TBC1D22A: variants seen among roughly 807,000 people sequenced by gnomAD.
TBC1D22A encodes the protein putative GTPase activator.
A neutral mutation model predicts 60.2 loss-of-function variants in TBC1D22A; 38 were observed. That is an observed-to-expected ratio of 0.63 (90% CI 0.49 to 0.83). TBC1D22A has a LOEUF of 0.83. TBC1D22A is among the 40% of genes least tolerant of loss of function. The probability of loss-of-function intolerance (pLI) is 0.00; values close to 1 mark genes in which losing one functional copy is unlikely to be tolerated. For synonymous variants in TBC1D22A, 302 were observed against 281.7 expected (o/e 1.07, Z -0.72); for missense variants, 628 against 701.0 (o/e 0.90, Z 1.18).
At chr22:46,892,026 T>C (rs980687284) in intron 6 of TBC1D22A, among the ~76,000 whole-genome samples, 1 of 152,248 alleles carries the variant, frequency 6.6e-6, no homozygotes, top group African/African-American at 2.4e-5. Context: ...TAAAATTGAT[T>C]TATGATTCAC....
At chr22:47,008,201 A>G (rs2061648481) in intron 10 of TBC1D22A, among the ~76,000 whole-genome samples, 1 of 152,252 alleles carries the variant, frequency 6.6e-6, no homozygotes, top group Non-Finnish European at 1.5e-5. Flanking sequence ...ATGCTGGTTC[A>G]TGATAGATGG....
chr22:47,051,430 C>T (rs961032030), intron 11 of TBC1D22A, among the ~76,000 whole-genome samples: 4 of 152,200 alleles, frequency 2.6e-5, no homozygotes, highest in African/African-American at 4.8e-5. Context: ...TCCGGAATTA[C>T]GGTCCTCAGC....
chr22:46,912,318 A>G, intron 8 of TBC1D22A, 130 bp downstream of exon 8: 1 of 619,020 alleles, frequency 1.6e-6, no homozygotes, highest in Non-Finnish European at 2.7e-6. Context: ...TTAGAGAATA[A>G]TAGTTTTCTC....
At chr22:46,989,225 C>A (rs150918815) in intron 9 of TBC1D22A, among the ~76,000 whole-genome samples, 1 of 152,270 alleles carries the variant, frequency 6.6e-6, no homozygotes, top group East Asian at 1.9e-4. Flanking sequence ...CTATCCAGAC[C>A]GCTGAAACTT....
At chr22:46,882,051 G>T (rs1410138397) in intron 5 of TBC1D22A, among the ~76,000 whole-genome samples, 1 of 152,210 alleles carries the variant, frequency 6.6e-6, no homozygotes, top group South Asian at 2.1e-4. Flanking sequence ...ACTCAGCAGG[G>T]AAGGGGTCTC....
At chr22:46,880,300 T>A (rs2067788063) in intron 5 of TBC1D22A, among the ~76,000 whole-genome samples, 1 of 152,204 alleles carries the variant, frequency 6.6e-6, no homozygotes, top group Non-Finnish European at 1.5e-5. Flanking sequence ...GAGTTTCTGA[T>A]TAGCCTTTCC....
chr22:47,086,708 G>T (rs2064706808), intron 11 of TBC1D22A, among the ~76,000 whole-genome samples: 1 of 152,144 alleles, frequency 6.6e-6, no homozygotes, highest in Admixed American at 6.6e-5. Flanking sequence ...TCCTCGTACG[G>T]TGAGAGGAAA....
chr22:46,821,003 C>A (rs977140871), intron 4 of TBC1D22A, among the ~76,000 whole-genome samples: 2 of 146,020 alleles, frequency 1.4e-5, no homozygotes, highest in Non-Finnish European at 3.0e-5. Context: ...CTTTTTTGAT[C>A]TTTGTTGGTT....
intron 8 of TBC1D22A, among the ~76,000 whole-genome samples, chr22:46,941,084 A>G (rs952554072): frequency 1.5e-5 from 2 of 136,720 alleles, no homozygotes; most frequent in East Asian, 2.2e-4. Context: ...ACCCTTGAAC[A>G]GCATGGGGAC....
At chr22:47,164,214 C>T (rs1034301284) in intron 12 of TBC1D22A, among the ~76,000 whole-genome samples, 1 of 152,222 alleles carries the variant, frequency 6.6e-6, no homozygotes, top group Non-Finnish European at 1.5e-5. Context: ...GCAGGCCGTT[C>T]TCATTTGTAC....
chr22:47,099,620 T>A (rs979800112), intron 11 of TBC1D22A, among the ~76,000 whole-genome samples: 17 of 151,998 alleles, frequency 1.1e-4, no homozygotes, highest in Admixed American at 7.9e-4. Flanking sequence ...TAATTTTGTA[T>A]TTTTAGTAGA....
chr22:46,864,943 C>G (rs140875243), intron 4 of TBC1D22A, among the ~76,000 whole-genome samples: 1 of 152,330 alleles, frequency 6.6e-6, no homozygotes, highest in East Asian at 1.9e-4. Flanking sequence ...TCTGCCATTT[C>G]TGGTTGCTAT....
intron 4 of TBC1D22A, among the ~76,000 whole-genome samples, chr22:46,819,023 G>A (rs959345614): frequency 2.0e-5 from 3 of 152,104 alleles, no homozygotes; most frequent in Non-Finnish European, 2.9e-5. Flanking sequence ...TTCATGATTT[G>A]ACTCTCTGCT....
At chr22:46,941,206 T>TACACACACACAC (rs1555959638) in intron 8 of TBC1D22A, among the ~76,000 whole-genome samples, 3 of 55,786 alleles carry the variant, frequency 5.4e-5, no homozygotes, top group African/African-American at 9.0e-5. Context: ...TGTATATATG[T>TACACACACACAC]ATACACACAC....
At chr22:47,085,685 CAGAA>C (rs2064653376) in intron 11 of TBC1D22A, among the ~76,000 whole-genome samples, 1 of 152,018 alleles carries the variant, frequency 6.6e-6, no homozygotes, top group Non-Finnish European at 1.5e-5. Context: ...GATAAGAAAA[CAGAA>C]AGCCAAAATC....
chr22:46,871,350 TTA>T (rs2067284434), intron 4 of TBC1D22A, among the ~76,000 whole-genome samples: 1 of 152,236 alleles, frequency 6.6e-6, no homozygotes, highest in Non-Finnish European at 1.5e-5. Context: ...TAGAATAACA[TTA>T]TCAACCAGTG....
intron 12 of TBC1D22A, among the ~76,000 whole-genome samples, chr22:47,159,462 C>T (rs769760790): frequency 1.3e-5 from 2 of 151,690 alleles, no homozygotes; most frequent in Non-Finnish European, 2.9e-5. Context: ...ACAGACACCA[C>T]ACCCACATGC....
chr22:46,896,247 A>C (rs2068673005), intron 7 of TBC1D22A, among the ~76,000 whole-genome samples: 1 of 151,628 alleles, frequency 6.6e-6, no homozygotes, highest in South Asian at 2.1e-4. Context: ...TGATCTTTAC[A>C]TGGTAAGAAT....
chr22:47,155,568 G>A (rs1037974510), intron 12 of TBC1D22A, among the ~76,000 whole-genome samples: 1 of 152,170 alleles, frequency 6.6e-6, no homozygotes, highest in Non-Finnish European at 1.5e-5. Flanking sequence ...ACCATGTTGG[G>A]CAGATGGTTG....
Sources: gnomAD v4.1 joint callset for allele counts (sites outside exome capture counted in the v4.1 genomes callset) on GRCh38, gnomAD v4.1.1 for gene constraint, MANE v1.5 for transcripts, NCBI Gene and HGNC (gene_info 2026-07-23, HGNC 2026-07-21) for gene names.